SIPA1L1: variants seen among roughly 807,000 people sequenced by gnomAD.
The protein encoded by SIPA1L1 is signal-induced proliferation-associated 1-like protein 1.
SIPA1L1 carries 26 observed loss-of-function variants against 162.7 expected under a neutral mutation model. That is an observed-to-expected ratio of 0.16 (90% CI 0.12 to 0.22). SIPA1L1 has a LOEUF of 0.22. Ranked by LOEUF, SIPA1L1 falls within the 10% of genes least tolerant of loss-of-function variation. The pLI, the probability that SIPA1L1 is intolerant of heterozygous loss-of-function variation, is 1.00. For missense variants in SIPA1L1, 1,874 were observed against 2,241.0 expected (o/e 0.84, Z 3.31); for synonymous variants, 829 against 837.4 (o/e 0.99, Z 0.17).
intron 4 of SIPA1L1, among the ~76,000 whole-genome samples, chr14:71,544,292 T>C (rs529165878): frequency 1.0e-4 from 11 of 106,004 alleles, no homozygotes; most frequent in African/African-American, 2.8e-4. Flanking sequence ...TGTATATACA[T>C]ATATATCATG....
chr14:71,320,708 C>T (rs565629802), intron 1 of SIPA1L1, among the ~76,000 whole-genome samples: 14 of 150,634 alleles, frequency 9.3e-5, no homozygotes, highest in Admixed American at 1.3e-4. Context: ...CCTCATCCCC[C>T]CCCCGGCAAC....
chr14:71,444,558 A>G (rs998265051), intron 2 of SIPA1L1, among the ~76,000 whole-genome samples: 2 of 152,034 alleles, frequency 1.3e-5, no homozygotes, highest in African/African-American at 4.8e-5. Context: ...CCAGATTGGC[A>G]TTTCTTTTGC....
intron 19 of SIPA1L1, among the ~76,000 whole-genome samples, chr14:71,729,839 C>T (rs1374196694): frequency 1.3e-5 from 2 of 152,210 alleles, no homozygotes; most frequent in African/African-American, 4.8e-5. Flanking sequence ...ATAGGGAGCA[C>T]TGATAGACTG....
intron 4 of SIPA1L1, among the ~76,000 whole-genome samples, chr14:71,560,810 C>T (rs901770176): frequency 6.6e-6 from 1 of 152,060 alleles, no homozygotes; most frequent in Admixed American, 6.6e-5. Flanking sequence ...ACTTAGAAGC[C>T]CTGTGCATTT....
chr14:71,373,344 C>T (rs1334546765), intron 2 of SIPA1L1, among the ~76,000 whole-genome samples: 3 of 147,028 alleles, frequency 2.0e-5, no homozygotes, highest in South Asian at 2.2e-4. Flanking sequence ...CAGTATTGGA[C>T]GGGTGTGGTA....
chr14:71,650,548 C>T, intron 8 of SIPA1L1, 39 bp downstream of exon 8: 2 of 1,591,766 alleles, frequency 1.3e-6, no homozygotes, highest in Non-Finnish European at 1.7e-6. Context: ...GCTTATTTTC[C>T]CCCTGTTGTG....
intron 18 of SIPA1L1, 71 bp downstream of exon 18, chr14:71,723,957 G>A (rs2083994109): frequency 6.3e-7 from 1 of 1,582,504 alleles, no homozygotes; most frequent in South Asian, 1.1e-5. Flanking sequence ...AGCTTGGCGT[G>A]ATCTCTTACA....
At chr14:71,368,264 C>A (rs2038551043) in intron 2 of SIPA1L1, among the ~76,000 whole-genome samples, 3 of 143,022 alleles carry the variant, frequency 2.1e-5, no homozygotes, top group African/African-American at 7.9e-5. Context: ...CACCCACTAA[C>A]TCGTCATCTA....
At chr14:71,367,060 T>C (rs974080238) in intron 2 of SIPA1L1, among the ~76,000 whole-genome samples, 1 of 152,198 alleles carries the variant, frequency 6.6e-6, no homozygotes, top group African/African-American at 2.4e-5. Flanking sequence ...TGTAAGTGCA[T>C]AAATATGTAT....
intron 2 of SIPA1L1, among the ~76,000 whole-genome samples, chr14:71,326,909 G>A (rs1383839705): frequency 1.3e-5 from 2 of 150,054 alleles, no homozygotes; most frequent in East Asian, 2.0e-4. Flanking sequence ...ACAGGGTTTC[G>A]CCATGTTGGC....
At chr14:71,559,041 T>C (rs571659190) in intron 4 of SIPA1L1, among the ~76,000 whole-genome samples, 2 of 152,124 alleles carry the variant, frequency 1.3e-5, no homozygotes, top group African/African-American at 4.8e-5. Flanking sequence ...TTTCATTTTC[T>C]ACTCAATCGT....
intron 4 of SIPA1L1, among the ~76,000 whole-genome samples, chr14:71,534,000 G>T (rs1247911227): frequency 6.6e-6 from 1 of 151,874 alleles, no homozygotes; most frequent in African/African-American, 2.4e-5. Context: ...AAGGTGGGAG[G>T]ATTGCTTGGA....
chr14:71,628,293 A>G (rs959482009), intron 7 of SIPA1L1, among the ~76,000 whole-genome samples: 1 of 152,206 alleles, frequency 6.6e-6, no homozygotes, highest in Non-Finnish European at 1.5e-5. Flanking sequence ...ACTCTGTGCA[A>G]GGGGAATGAA....
chr14:71,483,658 A>G (rs565594202), intron 2 of SIPA1L1, among the ~76,000 whole-genome samples: 1 of 152,174 alleles, frequency 6.6e-6, no homozygotes, highest in South Asian at 2.1e-4. Context: ...CCCTGCACCC[A>G]TTTCATTTTC....
At chr14:71,665,626 A>G (rs1417746073) in intron 10 of SIPA1L1, among the ~76,000 whole-genome samples, 2 of 152,222 alleles carry the variant, frequency 1.3e-5, no homozygotes, top group Non-Finnish European at 2.9e-5. Flanking sequence ...CTGAAAAACT[A>G]TTCACATCAA....
At chr14:71,727,350 C>G (rs1292250625) in intron 19 of SIPA1L1, among the ~76,000 whole-genome samples, 1 of 151,962 alleles carries the variant, frequency 6.6e-6, no homozygotes, top group African/African-American at 2.4e-5. Context: ...AACAAAACGC[C>G]ACCTCTCCAG....
At chr14:71,455,673 T>C (rs900685455) in intron 2 of SIPA1L1, among the ~76,000 whole-genome samples, 4 of 152,218 alleles carry the variant, frequency 2.6e-5, no homozygotes, top group Non-Finnish European at 5.9e-5. Context: ...TTTAAAATCA[T>C]CCTGTGAGAT....
chr14:71,651,732 G>T (rs2042633355), intron 8 of SIPA1L1, among the ~76,000 whole-genome samples: 2 of 152,178 alleles, frequency 1.3e-5, no homozygotes, highest in African/African-American at 4.8e-5. Context: ...TAAATGAATG[G>T]TCAGACTGGG....
intron 2 of SIPA1L1, among the ~76,000 whole-genome samples, chr14:71,444,255 A>G (rs1023417177): frequency 6.6e-6 from 1 of 152,224 alleles, no homozygotes; most frequent in African/African-American, 2.4e-5. Context: ...CAGAGCGTTT[A>G]CAAATAGCAC....
Sources: allele counts gnomAD v4.1 joint callset (sites outside exome capture counted in the v4.1 genomes callset), GRCh38; gene constraint gnomAD v4.1.1; transcripts MANE v1.5; gene names NCBI Gene and HGNC (gene_info 2026-07-23, HGNC 2026-07-21).